The following ANO10 variants were observed in gnomAD, a reference collection of about 807,000 sequenced individuals.
ANO10 encodes anoctamin 10.
A neutral mutation model predicts 74.7 loss-of-function variants in ANO10; 77 were observed. That is an observed-to-expected ratio of 1.03 (90% CI 0.86 to 1.25). The LOEUF (loss-of-function observed/expected upper bound fraction) is 1.25, where lower values mean the gene tolerates loss of function less well. Ranked by LOEUF, ANO10 falls within the 50% of genes most tolerant of loss-of-function variation. The pLI, the probability that ANO10 is intolerant of heterozygous loss-of-function variation, is 0.00. For synonymous variants in ANO10, 279 were observed against 284.9 expected (o/e 0.98, Z 0.21); for missense variants, 721 against 778.1 (o/e 0.93, Z 0.87).
At chr3:43,571,034 A>T (rs2080679625) in intron 7 of ANO10, among the ~76,000 whole-genome samples, 1 of 151,390 alleles carries the variant, frequency 6.6e-6, no homozygotes, top group African/African-American at 2.5e-5. Context: ...GGACATGAAC[A>T]GATACTTCTC....
chr3:43,690,103 A>T, intron 1 of ANO10: 1 of 148,596 alleles, frequency 6.7e-6, no homozygotes, highest in Non-Finnish European at 1.5e-5. Flanking sequence ...CTTGTTGCCC[A>T]GGCTGGAGTG....
At chr3:43,423,813 C>T (rs1435353396) in intron 12 of ANO10, among the ~76,000 whole-genome samples, 1 of 152,170 alleles carries the variant, frequency 6.6e-6, no homozygotes, top group Non-Finnish European at 1.5e-5. Context: ...CTGGCACATG[C>T]AAAAGGTTTA....
At chr3:43,594,895 A>G (rs1306663583) in intron 4 of ANO10, among the ~76,000 whole-genome samples, 1 of 152,156 alleles carries the variant, frequency 6.6e-6, no homozygotes, top group Middle Eastern at 3.2e-3. Context: ...AAGAGAGAAG[A>G]ATCAAATAGA....
chr3:43,405,195 G>C (rs1046562279), intron 12 of ANO10, among the ~76,000 whole-genome samples: 1 of 152,176 alleles, frequency 6.6e-6, no homozygotes, highest in East Asian at 1.9e-4. Context: ...AGTTCTGCAG[G>C]ATTTTGGTGA....
At chr3:43,455,897 G>A (rs979122327) in intron 11 of ANO10, among the ~76,000 whole-genome samples, 2 of 151,960 alleles carry the variant, frequency 1.3e-5, no homozygotes, top group African/African-American at 4.8e-5. Context: ...ACTTGTTAGA[G>A]TAACATATTC....
At chr3:43,643,098 C>A (rs149697576) in intron 1 of ANO10, among the ~76,000 whole-genome samples, 3,163 of 150,646 alleles carry the variant, frequency 0.021, 64 homozygotes, top group African/African-American at 0.052. Context: ...GTGGCGCAAT[C>A]TCGGCTCACT....
At chr3:43,448,877 T>TG (rs2074711288) in intron 11 of ANO10, among the ~76,000 whole-genome samples, 1 of 148,400 alleles carries the variant, frequency 6.7e-6, no homozygotes. Context: ...TTCTTTCTTT[T>TG]TTTTTTTTTT....
chr3:43,515,297 G>T (rs942791750), intron 11 of ANO10, among the ~76,000 whole-genome samples: 2 of 152,194 alleles, frequency 1.3e-5, no homozygotes, highest in Admixed American at 6.5e-5. Flanking sequence ...CAATGTGGGT[G>T]AGCCTCATCC....
chr3:43,595,021 G>A (rs1477096332), intron 4 of ANO10, among the ~76,000 whole-genome samples: 1 of 152,174 alleles, frequency 6.6e-6, no homozygotes, highest in Non-Finnish European at 1.5e-5. Context: ...AGAAGAAATG[G>A]ATAAATTCCT....
chr3:43,441,287 G>A (rs565182522), intron 11 of ANO10, among the ~76,000 whole-genome samples: 49 of 150,844 alleles, frequency 3.2e-4, no homozygotes, highest in African/African-American at 1.1e-3. Context: ...CAAATCCTTA[G>A]CTAGACTAAT....
intron 1 of ANO10, among the ~76,000 whole-genome samples, chr3:43,656,722 G>T (rs1331532391): frequency 2.0e-5 from 3 of 152,226 alleles, no homozygotes; most frequent in Non-Finnish European, 2.9e-5. Context: ...TGCTCTGAGT[G>T]TGGGGCCCGC....
At chr3:43,515,164 A>T (rs572750780) in intron 11 of ANO10, among the ~76,000 whole-genome samples, 2 of 152,220 alleles carry the variant, frequency 1.3e-5, no homozygotes, top group Non-Finnish European at 2.9e-5. Flanking sequence ...TTACATGTCA[A>T]CTTGACTGAG....
At chr3:43,479,443 T>G (rs1489897117) in intron 11 of ANO10, among the ~76,000 whole-genome samples, 1 of 151,928 alleles carries the variant, frequency 6.6e-6, no homozygotes, top group Non-Finnish European at 1.5e-5. Flanking sequence ...CTATGAAAAA[T>G]TACCAAATTC....
intron 4 of ANO10, among the ~76,000 whole-genome samples, chr3:43,588,564 T>TA (rs34688033): frequency 0.74 from 107,499 of 144,828 alleles, 39,852 homozygotes; most frequent in East Asian, 0.98. Context: ...ATTTACTTAG[T>TA]AAAAAAAAAA....
At chr3:43,459,149 T>G (rs1369493419) in intron 11 of ANO10, among the ~76,000 whole-genome samples, 1 of 152,128 alleles carries the variant, frequency 6.6e-6, no homozygotes, top group Non-Finnish European at 1.5e-5. Context: ...AGGGTGGCAC[T>G]TCTCAATTTT....
chr3:43,591,737 C>T (rs939152237), intron 4 of ANO10, among the ~76,000 whole-genome samples: 7 of 152,172 alleles, frequency 4.6e-5, no homozygotes, highest in South Asian at 2.1e-4. Context: ...CACTGGGGCT[C>T]GTTGGACGGT....
chr3:43,622,371 A>G (rs1187832311), upstream of ANO10, among the ~76,000 whole-genome samples: 1 of 152,128 alleles, frequency 6.6e-6, no homozygotes, highest in Non-Finnish European at 1.5e-5. Context: ...TGTCACTCCG[A>G]GCCGGGGCGG....
At chr3:43,661,183 C>T (rs909287856) in intron 1 of ANO10, among the ~76,000 whole-genome samples, 6 of 152,154 alleles carry the variant, frequency 3.9e-5, no homozygotes, top group Non-Finnish European at 7.4e-5. Context: ...CAAAGGGAAG[C>T]CCATCAGACT....
intron 12 of ANO10, among the ~76,000 whole-genome samples, chr3:43,414,285 A>C (rs976676779): frequency 2.3e-4 from 35 of 152,316 alleles, no homozygotes; most frequent in Admixed American, 9.2e-4. Flanking sequence ...GAAAATGGGG[A>C]GAGAGCAGCA....
Sources: gnomAD v4.1 joint callset for allele counts (sites outside exome capture counted in the v4.1 genomes callset) on GRCh38, gnomAD v4.1.1 for gene constraint, MANE v1.5 for transcripts, NCBI Gene and HGNC (gene_info 2026-07-23, HGNC 2026-07-21) for gene names.